TIMMDC1: variants seen among roughly 807,000 people sequenced by gnomAD.
TIMMDC1 encodes translocase of inner mitochondrial membrane domain containing 1, also known as complex I assembly factor TIMMDC1, mitochondrial.
TIMMDC1 carries 25 observed loss-of-function variants against 32.6 expected under a neutral mutation model. The observed-to-expected ratio is 0.77, with a 90% CI of 0.56 to 1.07. TIMMDC1 has a LOEUF of 1.07. Among genes scored for constraint, TIMMDC1 ranks in the 50% least tolerant of loss-of-function variants. The pLI, the probability that TIMMDC1 is intolerant of heterozygous loss-of-function variation, is 0.00. For missense variants in TIMMDC1, 329 were observed against 349.2 expected (o/e 0.94, Z 0.46); for synonymous variants, 130 against 127.6 (o/e 1.02, Z -0.13).
At chr3:119,501,990 T>C (rs2081879219) in intron 2 of TIMMDC1, among the ~76,000 whole-genome samples, 1 of 152,224 alleles carries the variant, frequency 6.6e-6, no homozygotes, top group East Asian at 1.9e-4. Context: ...TGATGTTTAC[T>C]TCAGTGACTT....
chr3:119,514,955 C>T (rs114311763), intron 5 of TIMMDC1, among the ~76,000 whole-genome samples: 7,737 of 151,992 alleles, frequency 0.051, 251 homozygotes, highest in Non-Finnish European at 0.072. Context: ...TTTGGGAGGC[C>T]GAGGCAGGTA....
chr3:119,500,471 G>A, intron 1 of TIMMDC1: 1 of 429,712 alleles, frequency 2.3e-6, no homozygotes, highest in Non-Finnish European at 4.1e-6. Flanking sequence ...TCCGGTCATT[G>A]TCTTTTCAGG....
rs13532 is a variant in TIMMDC1 at position 119,523,931 on chromosome 3, T to C, written c.*175T>C. 10,322 of 505,064 alleles carry C rather than the reference T, an allele frequency of 0.02. 665 individuals are homozygous for C. The highest frequency in any genetic ancestry group is 0.15 in the African/African-American group (7,687 of 51,736). 31.3% of individuals were successfully genotyped at this position (505,064 alleles called of 1,614,324 possible). On this transcript the variant is annotated 3_prime_UTR_variant, in exon 7 of 7. Transcript: ENST00000494664. ...TTCTTTTTAACTAAGAATGGGGCTG[T>C]TGTACTCTCACTTTACTTATCCTTA... is the stretch of plus-strand genomic sequence containing the variant.
At chr3:119,505,839 GCTA>G (rs1303096617) in intron 4 of TIMMDC1, among the ~76,000 whole-genome samples, 1 of 152,144 alleles carries the variant, frequency 6.6e-6, no homozygotes, top group Non-Finnish European at 1.5e-5. Context: ...TTATCTTCTT[GCTA>G]CTGCATGCAC....
At chr3:119,499,646 C>T (rs960977793) in intron 1 of TIMMDC1, among the ~76,000 whole-genome samples, 2 of 150,002 alleles carry the variant, frequency 1.3e-5, no homozygotes, top group Non-Finnish European at 3.0e-5. Context: ...GAACTCCTGA[C>T]CTCACGTGAT....
intron 2 of TIMMDC1, among the ~76,000 whole-genome samples, chr3:119,502,701 A>G (rs1047179214): frequency 2.0e-5 from 3 of 151,026 alleles, no homozygotes; most frequent in African/African-American, 7.3e-5. Flanking sequence ...TAGGACTGCA[A>G]ACACACACCA....
intron 4 of TIMMDC1, among the ~76,000 whole-genome samples, chr3:119,506,098 A>C: frequency 6.6e-6 from 1 of 152,226 alleles, no homozygotes; most frequent in East Asian, 1.9e-4. Flanking sequence ...ACAAAACTAG[A>C]AATAGGCATT....
chr3:119,521,971 A>G (rs2082029472), intron 6 of TIMMDC1, among the ~76,000 whole-genome samples: 1 of 152,194 alleles, frequency 6.6e-6, no homozygotes, highest in South Asian at 2.1e-4. Flanking sequence ...AATGCAAATT[A>G]TTACAGCCTT....
chr3:119,502,367 C>G (rs113432131), intron 2 of TIMMDC1, among the ~76,000 whole-genome samples: 2,215 of 151,900 alleles, frequency 0.015, 58 homozygotes, highest in African/African-American at 0.052. Context: ...GTAGCTGGGA[C>G]TATAGGCATG....
intron 5 of TIMMDC1, among the ~76,000 whole-genome samples, chr3:119,516,976 A>G (rs2081988279): frequency 6.6e-6 from 1 of 152,176 alleles, no homozygotes; most frequent in African/African-American, 2.4e-5. Context: ...ATTATATATC[A>G]GTTAACTTTA....
intron 6 of TIMMDC1, 42 bp downstream of exon 6, chr3:119,517,357 C>G: frequency 1.5e-6 from 2 of 1,333,500 alleles, no homozygotes; most frequent in Non-Finnish European, 2.2e-6. Context: ...GCTCTCTTGC[C>G]CCAGGCCTTA....
chr3:119,499,218 C>G (rs931960684), intron 1 of TIMMDC1, among the ~76,000 whole-genome samples: 4 of 149,038 alleles, frequency 2.7e-5, no homozygotes, highest in African/African-American at 9.9e-5. Context: ...CTCAGCCTCC[C>G]GATTAATTGG....
chr3:119,520,983 A>C (rs1326626402), intron 6 of TIMMDC1, among the ~76,000 whole-genome samples: 1 of 152,218 alleles, frequency 6.6e-6, no homozygotes, highest in Non-Finnish European at 1.5e-5. Context: ...AAGGAAAAAA[A>C]CCATATGATC....
At position 119,500,772 on chromosome 3, in the gene TIMMDC1, A is replaced by G. The variant is rs1257973752; in HGVS notation, c.272A>G (p.Tyr91Cys). ...ACAGCAGGCATCATTGGCTGGGTGT[A>G]TGGGGGAATACCAGCTTTTATTCAT... ...AATAGIIGWVYGGIPAFIHAK... is the reference protein window; with the variant it reads ...AATAGIIGWVCGGIPAFIHAK... Residue 91 changes from tyrosine (Y) to cysteine (C), a missense_variant, in exon 2 of 7, where the codon TAT becomes TGT. By Grantham distance (194) the Tyr-to-Cys change is radical. Coordinates refer to ENST00000494664, the MANE Select transcript of TIMMDC1 (RefSeq NM_016589.4). The G allele has an allele frequency of 5.0e-6, 8 of 1,614,004 alleles. No individual in the cohort carries two copies. The highest frequency in any genetic ancestry group is 5.9e-6 in the Non-Finnish European group (7 of 1,179,972).
intron 4 of TIMMDC1, among the ~76,000 whole-genome samples, chr3:119,512,536 C>T (rs918099342): frequency 1.3e-5 from 2 of 152,112 alleles, no homozygotes; most frequent in Non-Finnish European, 2.9e-5. Context: ...TCTCGGCCTC[C>T]TAAAGTGCTG....
chr3:119,501,553 A>G (rs1449410604), intron 2 of TIMMDC1, among the ~76,000 whole-genome samples: 2 of 152,212 alleles, frequency 1.3e-5, no homozygotes, highest in South Asian at 4.1e-4. Flanking sequence ...CAATTATAAT[A>G]TCAAGATCAG....
intron 4 of TIMMDC1, among the ~76,000 whole-genome samples, chr3:119,511,958 T>C (rs559740633): frequency 2.7e-4 from 41 of 152,366 alleles, no homozygotes; most frequent in Admixed American, 1.7e-3. Flanking sequence ...TTATGCATCC[T>C]TTTTGAATAG....
intron 1 of TIMMDC1, among the ~76,000 whole-genome samples, chr3:119,499,185 T>C (rs1356293077): frequency 2.1e-5 from 3 of 142,328 alleles, no homozygotes; most frequent in Non-Finnish European, 4.6e-5. Context: ...CCTCTGCCTC[T>C]GGGACTCAAG....
At chr3:119,501,714 AT>A (rs564095537) in intron 2 of TIMMDC1, among the ~76,000 whole-genome samples, 12 of 151,672 alleles carry the variant, frequency 7.9e-5, no homozygotes, top group African/African-American at 2.7e-4. Flanking sequence ...AATTAATTAA[AT>A]TTTTTTTTGT....
Sources: gnomAD v4.1 joint callset for allele counts (sites outside exome capture counted in the v4.1 genomes callset) on GRCh38, gnomAD v4.1.1 for gene constraint, MANE v1.5 for transcripts, NCBI Gene and HGNC (gene_info 2026-07-23, HGNC 2026-07-21) for gene names.